The following NEB variants were observed in gnomAD, a reference collection of about 807,000 sequenced individuals.
NEB encodes the protein nebulin.
A neutral mutation model predicts 952.2 loss-of-function variants in NEB; 512 were observed. The observed-to-expected ratio is 0.54, with a 90% confidence interval of 0.50 to 0.58. The LOEUF (loss-of-function observed/expected upper bound fraction) is 0.58. NEB is among the 20% of genes least tolerant of loss of function. The pLI is 0.00. For synonymous variants in NEB, 2,900 were observed against 3,149.8 expected (o/e 0.92, Z 2.66); for missense variants, 8,428 against 9,231.1 (o/e 0.91, Z 3.56).
chr2:151,536,837 A>G (rs962793929), intron 141 of NEB, among the ~76,000 whole-genome samples: 7 of 152,330 alleles, frequency 4.6e-5, no homozygotes, highest in Admixed American at 4.6e-4. Context: ...TGGCTGTCAT[A>G]TCAGCTTTAA....
rs773048804 is a variant in NEB at position 151,610,151 on chromosome 2, C to G, written c.12019-31G>C. On this transcript the variant is annotated intron_variant, in intron 80 of 181. Transcript: ENST00000397345. ...ATGCCAGAAATACAGGTGGAGACAT[C>G]CAGTTTTAAAACCATGCTCATGTGC... The G allele has an allele frequency of 3.9e-6, 6 of 1,556,886 alleles. No individual in the cohort carries two copies. The East Asian group carries it at 1.4e-4, about 35-fold the overall frequency.
intron 107 of NEB, among the ~76,000 whole-genome samples, chr2:151,574,024 A>C (rs1020819524): frequency 2.0e-5 from 3 of 152,088 alleles, no homozygotes; most frequent in Admixed American, 6.6e-5. Flanking sequence ...CCCACGCTGG[A>C]GTACAGTGGC....
Position 151,516,577 on chromosome 2 carries a change from G to A in NEB, c.22801-14C>T. On this transcript the variant is annotated splice_polypyrimidine_tract_variant and intron_variant, in intron 156 of 181. Coordinates refer to ENST00000397345, the MANE Select transcript of NEB (RefSeq NM_001164508.2). ...TTTGTATTTCACCTGGTGATAGAAA[G>A]CCATGTTAGATATCTCTCCTCTGGT... 6.5e-7 allele frequency: 1 copy of A among 1,538,006 alleles called. No individual in the cohort carries two copies. Among genetic ancestry groups the A allele is most frequent in the African/African-American group, 1.4e-5 (1 of 73,534 alleles).
Position 151,547,451 on chromosome 2 carries a change from T to C in NEB, c.20345A>G (p.Tyr6782Cys). The C allele has an allele frequency of 6.2e-7, 1 of 1,603,290 alleles. No homozygotes were observed. Among genetic ancestry groups the C allele is most frequent in the Non-Finnish European group, 8.5e-7 (1 of 1,174,830 alleles). Residue 6782 changes from tyrosine to cysteine, a missense_variant, in exon 133 of 182, where the codon TAT (tyrosine) becomes TGT (cysteine). Tyr to Cys is a radical substitution (Grantham distance 194). Transcript: ENST00000397345. ...TACATCACTGGTGATGTCTCCCACATAGCGGCAATGGATCACTTGGGGTGT... is the reference window on the plus strand; with the variant it reads ...TACATCACTGGTGATGTCTCCCACACAGCGGCAATGGATCACTTGGGGTGT... The part of the protein sequence containing the change: ...PYTPQVIHCR[Y>C]VGDITSDIKY...
At chr2:151,530,084 C>CCCT (rs1221330241) in intron 145 of NEB, among the ~76,000 whole-genome samples, 1 of 152,068 alleles carries the variant, frequency 6.6e-6, no homozygotes, top group Non-Finnish European at 1.5e-5. Context: ...CATTAAGGAC[C>CCCT]CCTTAAGGGC....
chr2:151,498,095 A>C, intron 170 of NEB, 165 bp downstream of exon 170: 1 of 1,473,236 alleles, frequency 6.8e-7, no homozygotes, highest in Non-Finnish European at 9.0e-7. Flanking sequence ...GAAGTAAAAA[A>C]TTGACATTAA....
At position 151,525,952 on chromosome 2, in the gene NEB, A is replaced by C; in HGVS notation, c.22161+6T>G. 1 of 1,609,996 alleles carries C rather than the reference A, an allele frequency of 6.2e-7. No homozygotes were observed. The highest frequency in any genetic ancestry group is 8.5e-7 in the Non-Finnish European group (1 of 1,176,238). On this transcript the variant is annotated splice_donor_region_variant and intron_variant, in intron 150 of 181. Transcript: ENST00000397345. ...GCTGCCAAGAGACCGGTGGTTGATC[A>C]CTTACATCACTGACATGCTTGGTCA...
In NEB at chr2:151,508,020, T is replaced by C; in HGVS notation, c.23436A>G (p.Gln7812=). The change falls in exon 162 of 182, where the codon CAA becomes CAG. Residue 7812 remains glutamine, a synonymous_variant. Coordinates refer to ENST00000397345, the MANE Select transcript of NEB (RefSeq NM_001164508.2). ...TPEIQRVREN[Q]KNFSLLQYQC... Reference sequence around the variant, plus strand: ...AAAAACTTACAAGGCTGAAGTTCTTTTGGTTCTCCCGGACTCTCTGTATCT... The same window carrying C: ...AAAAACTTACAAGGCTGAAGTTCTTCTGGTTCTCCCGGACTCTCTGTATCT... 1 of 1,608,210 alleles carries C rather than the reference T, an allele frequency of 6.2e-7. No individual in the cohort carries two copies. The highest frequency in any genetic ancestry group is 1.7e-4 in the Middle Eastern group (1 of 6,056).
Position 151,619,725 on chromosome 2 carries a change from T to C in NEB, c.10598A>G (p.His3533Arg), listed in dbSNP as rs769441550. The C allele has an allele frequency of 6.2e-7, 1 of 1,613,386 alleles. No individual in the cohort carries two copies. The highest frequency in any genetic ancestry group is 1.1e-5 in the South Asian group (1 of 91,026). ...GTGTACTGCTCGGGCGCCAATGTGG[T>C]GACCCAACTGTTTACGATATGCTTC... is the stretch of plus-strand genomic sequence containing the variant. ...YKEAYRKQLGHHIGARAVHDD... is the reference protein window; with the variant it reads ...YKEAYRKQLGRHIGARAVHDD... The change falls in exon 73 of 182, where the codon CAC becomes CGC. Residue 3533 changes from histidine (H) to arginine (R), a missense_variant. Transcript: ENST00000397345.
In NEB at chr2:151,669,057, T is replaced by C. The variant is rs1053085207; in HGVS notation, c.4581A>G (p.Gln1527=). The C allele has an allele frequency of 6.3e-7, 1 of 1,598,028 alleles. No individual in the cohort carries two copies. The highest frequency in any genetic ancestry group is 8.5e-7 in the Non-Finnish European group (1 of 1,171,404). ...TCATGTTGAGGGCGTTGACTTTGGC[T>C]TGAATAAACTGAGGCAATTCAGGGT... The part of the protein sequence containing the change: ...TIDPELPQFI[Q]AKVNALNMSD... The change falls in exon 39 of 182, where the codon CAA becomes CAG. Residue 1527 remains glutamine, a synonymous_variant. Transcript: ENST00000397345.
At chr2:151,657,233 G>C (rs1416912968) in intron 48 of NEB, among the ~76,000 whole-genome samples, 1 of 152,164 alleles carries the variant, frequency 6.6e-6, no homozygotes, top group African/African-American at 2.4e-5. Flanking sequence ...GGGCTGGATA[G>C]GTAGGGAAGA....
chr2:151,691,435 T>G (rs1429401651), intron 23 of NEB, among the ~76,000 whole-genome samples: 21 of 152,182 alleles, frequency 1.4e-4, no homozygotes, highest in Non-Finnish European at 2.2e-4. Context: ...CTTGATATCT[T>G]TCTTATTTCT....
intron 142 of NEB, chr2:151,534,461 G>A (rs2092653250): frequency 4.4e-6 from 3 of 681,080 alleles, no homozygotes; most frequent in African/African-American, 3.5e-5. Context: ...TAAAAACAGG[G>A]AAGCAAAGAG....
chr2:151,630,869 A>G, intron 66 of NEB, 50 bp from the exon 67 acceptor site: 1 of 1,463,470 alleles, frequency 6.8e-7, no homozygotes, highest in Non-Finnish European at 9.2e-7. Flanking sequence ...AATAGAAATG[A>G]CAAAAAGTTC....
chr2:151,551,748 A>C lies in NEB; in HGVS notation c.19934T>G (p.Leu6645Arg). Residue 6645 changes from leucine (L) to arginine (R), a missense_variant, in exon 129 of 182, where the codon CTC becomes CGC. Leu to Arg is a moderately radical substitution (Grantham distance 102). Coordinates refer to ENST00000397345, the MANE Select transcript of NEB (RefSeq NM_001164508.2). ...DLDRALHAYKLQSSNLYKTSL... is the reference protein window; with the variant it reads ...DLDRALHAYKRQSSNLYKTSL... ...GTTCTCACTGCTCACCGAACTCTGG[A>C]GCTTGTATGCATGAAGGGCCCGGTC... is the stretch of plus-strand genomic sequence containing the variant. The C allele has an allele frequency of 6.2e-7, 1 of 1,613,252 alleles. No homozygotes were observed. Among genetic ancestry groups the C allele is most frequent in the Non-Finnish European group, 8.5e-7 (1 of 1,179,496 alleles).
rs200545007 is a variant in NEB, at chr2:151,666,287, G to T, written c.4834C>A (p.Arg1612Ser). ...GCTTCATAGCCCTTTTTGTACTCAC[G>T]ATCAGACTGGATTTTGGCCACATTC... ...YMNVAKIQSDREYKKGYEASK... is the reference protein window; with the variant it reads ...YMNVAKIQSDSEYKKGYEASK... The change falls in exon 41 of 182, where the codon CGT (arginine) becomes AGT (serine). Residue 1612 changes from arginine to serine, a missense_variant. By Grantham distance (110) the Arg-to-Ser change is moderately radical. Transcript: ENST00000397345. 7 of 1,613,736 alleles carry T rather than the reference G, an allele frequency of 4.3e-6. No individual in the cohort carries two copies. Among genetic ancestry groups the T allele is most frequent in the Non-Finnish European group, 4.2e-6 (5 of 1,179,856 alleles).
In NEB at chr2:151,643,073, T is replaced by C. The variant is rs1359217166; in HGVS notation, c.8160+77A>G. 6 of 1,442,308 alleles carry C rather than the reference T, an allele frequency of 4.2e-6. No individual in the cohort carries two copies. In the African/African-American group the frequency reaches 5.7e-5, roughly 14 times the overall value. The allele number at this position is 1,442,308 out of a possible 1,614,324, so 89.3% of individuals were successfully genotyped here. ...AAGCAAAGGAATCAAAAACAAGTTTTCTTTTATACAAACAGACTTCAGTGT... is the reference window on the plus strand; with the variant it reads ...AAGCAAAGGAATCAAAAACAAGTTTCCTTTTATACAAACAGACTTCAGTGT... On this transcript the variant is annotated intron_variant, in intron 58 of 181. Transcript: ENST00000397345.
chr2:151,687,361 T>C lies in NEB; in HGVS notation c.2637+58A>G, dbSNP rs2099510782. 4 of 1,430,998 alleles carry C rather than the reference T, an allele frequency of 2.8e-6. No homozygotes were observed. The Admixed American group carries it at 5.0e-5, about 18-fold the overall frequency. The allele number at this position is 1,430,998 out of a possible 1,614,324, so 88.6% of individuals were successfully genotyped here. On this transcript the variant is annotated intron_variant, in intron 27 of 181. Coordinates refer to ENST00000397345, the MANE Select transcript of NEB (RefSeq NM_001164508.2). ...AAATTCTTTTCCACACTACTACCCT[T>C]GGGCATCGTAACAGGGAGTCCATCT... is the stretch of plus-strand genomic sequence containing the variant.
intron 75 of NEB, among the ~76,000 whole-genome samples, chr2:151,616,464 G>A (rs912995522): frequency 1.3e-5 from 2 of 152,130 alleles, no homozygotes; most frequent in Admixed American, 6.5e-5. Context: ...TGAGATGGGT[G>A]GATCACCTGA....
Sources: allele counts gnomAD v4.1 joint callset (sites outside exome capture counted in the v4.1 genomes callset), GRCh38; gene constraint gnomAD v4.1.1; transcripts MANE v1.5; gene names NCBI Gene and HGNC (gene_info 2026-07-23, HGNC 2026-07-21).